CWC27: variants seen among roughly 807,000 people sequenced by gnomAD.
CWC27 encodes spliceosome-associated protein CWC27 homolog.
A neutral mutation model predicts 63.6 loss-of-function variants in CWC27; 47 were observed. The ratio of observed to expected loss-of-function variants is 0.74; its 90% confidence interval spans 0.58 to 0.94. CWC27 has a LOEUF of 0.94. Ranked by LOEUF, CWC27 falls within the 40% of genes least tolerant of loss-of-function variation. CWC27 has a pLI of 0.00. For synonymous variants in CWC27, 175 were observed against 179.8 expected (o/e 0.97, Z 0.22); for missense variants, 495 against 554.3 (o/e 0.89, Z 1.07).
chr5:65,007,776 A>C (rs1749877164), intron 13 of CWC27, among the ~76,000 whole-genome samples: 1 of 151,964 alleles, frequency 6.6e-6, no homozygotes, highest in Non-Finnish European at 1.5e-5. Context: ...TACAGGCGCC[A>C]GCCACCATGC....
At chr5:64,943,970 C>G (rs1218778216) in intron 11 of CWC27, among the ~76,000 whole-genome samples, 1 of 152,096 alleles carries the variant, frequency 6.6e-6, no homozygotes, top group African/African-American at 2.4e-5. Flanking sequence ...GTGCCATGTG[C>G]TTGCCTGCCC....
At chr5:64,948,858 G>A (rs73109507) in intron 11 of CWC27, among the ~76,000 whole-genome samples, 9,839 of 151,948 alleles carry the variant, frequency 0.065, 801 homozygotes, top group African/African-American at 0.19. Context: ...GACTAGAGGG[G>A]AGAGGATAGA....
chr5:64,964,933 T>C (rs1050029734), intron 11 of CWC27, among the ~76,000 whole-genome samples: 1 of 152,160 alleles, frequency 6.6e-6, no homozygotes, highest in African/African-American at 2.4e-5. Flanking sequence ...CACAATCAAA[T>C]TAAAAGCTTC....
intron 11 of CWC27, among the ~76,000 whole-genome samples, chr5:64,911,926 T>TAA (rs1251957634): frequency 0.028 from 4,178 of 151,866 alleles, 126 homozygotes; most frequent in African/African-American, 0.078. Context: ...TACAAAAAAT[T>TAA]AGCCAACCGT....
At chr5:64,776,442 G>A (rs540363574) in intron 2 of CWC27, among the ~76,000 whole-genome samples, 1 of 152,216 alleles carries the variant, frequency 6.6e-6, no homozygotes, top group Admixed American at 6.5e-5. Flanking sequence ...AGGTTCTTAA[G>A]TTGGGTGATG....
At chr5:64,999,788 G>A (rs753945871) in intron 13 of CWC27, among the ~76,000 whole-genome samples, 16 of 152,042 alleles carry the variant, frequency 1.1e-4, no homozygotes, top group African/African-American at 3.6e-4. Flanking sequence ...AAATAGTGCT[G>A]CAATGAACAT....
Position 64,774,726 on chromosome 5 carries a change from A to G in CWC27, c.78A>G (p.Ile26Met). The G allele has an allele frequency of 6.2e-7, 1 of 1,604,284 alleles. No individual in the cohort carries two copies. The highest frequency in any genetic ancestry group is 8.5e-7 in the Non-Finnish European group (1 of 1,175,900). Reference sequence around the variant, plus strand: ...AAACTACAGCTGGAGATATTGACATAGAGTTGTGGTCCAAAGAAGCTCCTA... The same window carrying G: ...AAACTACAGCTGGAGATATTGACATGGAGTTGTGGTCCAAAGAAGCTCCTA... ...LLKTTAGDID[I>M]ELWSKEAPKA... is the part of the protein sequence containing the mutation. The change falls in exon 2 of 14, where the codon ATA becomes ATG. Residue 26 changes from isoleucine (I) to methionine (M), a missense_variant. Physicochemically the swap from Ile to Met is conservative, Grantham distance 10 (BLOSUM62 1). This residue lies in a region of CWC27 where 463 missense variants were observed against 498.1 expected (regional missense o/e 0.93). Transcript: ENST00000381070.
intron 13 of CWC27, among the ~76,000 whole-genome samples, chr5:64,989,291 G>C (rs1269275523): frequency 6.6e-6 from 1 of 152,170 alleles, no homozygotes; most frequent in African/African-American, 2.4e-5. Context: ...TGTATAACTA[G>C]TGAGTTGTCT....
At chr5:64,827,309 T>A (rs1288617212) in intron 10 of CWC27, among the ~76,000 whole-genome samples, 1 of 152,178 alleles carries the variant, frequency 6.6e-6, no homozygotes, top group East Asian at 1.9e-4. Flanking sequence ...GTATCTTACC[T>A]AGCCTCAGAA....
At chr5:64,833,558 G>T (rs916779242) in intron 10 of CWC27, among the ~76,000 whole-genome samples, 4 of 151,748 alleles carry the variant, frequency 2.6e-5, no homozygotes, top group Non-Finnish European at 4.4e-5. Flanking sequence ...GCACAACTTG[G>T]TTAATCTTAG....
chr5:64,899,667 C>T (rs1353430960), intron 11 of CWC27, among the ~76,000 whole-genome samples: 2 of 152,096 alleles, frequency 1.3e-5, no homozygotes, highest in East Asian at 3.8e-4. Flanking sequence ...AACTTTTGAA[C>T]AGAAACGAAA....
chr5:64,901,162 C>T (rs11750187), intron 11 of CWC27, among the ~76,000 whole-genome samples: 57,134 of 151,818 alleles, frequency 0.38, 11,502 homozygotes, highest in East Asian at 0.52. Context: ...CTGTACTGAA[C>T]ATTGCAGGCG....
rs1226524438 is a variant in CWC27, at chr5:64,814,960, C to T, written c.938+10574C>T. 1.3e-5 allele frequency among the ~76,000 whole-genome samples: 2 copies of T among 151,778 alleles called. 1 individual carries two copies. Among genetic ancestry groups the T allele is most frequent in the Admixed American group, 1.3e-4 (2 of 15,214 alleles). Reference sequence around the variant, plus strand: ...ATGGTAACAGATTGGATGTAGGAGACCTGAAGGTATATTTCAAATATACCA... The same window carrying T: ...ATGGTAACAGATTGGATGTAGGAGATCTGAAGGTATATTTCAAATATACCA... On this transcript the variant is annotated intron_variant, in intron 10 of 13. Transcript: ENST00000381070.
At chr5:64,986,083 C>A (rs542479217) in intron 13 of CWC27, among the ~76,000 whole-genome samples, 95 of 152,200 alleles carry the variant, frequency 6.2e-4, no homozygotes, top group African/African-American at 2.1e-3. Flanking sequence ...GCTTGCATTT[C>A]TCTCTCCTGC....
chr5:64,885,158 A>C (rs1258090421), intron 10 of CWC27, among the ~76,000 whole-genome samples: 1 of 152,080 alleles, frequency 6.6e-6, no homozygotes, highest in African/African-American at 2.4e-5. Context: ...TGAAACTAGA[A>C]TGTTAAATTT....
At position 64,782,291 on chromosome 5, in the gene CWC27, T is replaced by A. The variant is rs900429866; in HGVS notation, c.252+258T>A. Among the ~76,000 whole-genome samples, 3 of 151,772 alleles carry A rather than the reference T, an allele frequency of 2.0e-5. No individual in the cohort carries two copies. The East Asian group carries it at 5.8e-4, about 29-fold the overall frequency. ...GGTGAAACCTCATCTCTACTAAAAT[T>A]ACAAAAATTAGCCAGGCATGGTGGC... On this transcript the variant is annotated intron_variant, in intron 3 of 13. Transcript: ENST00000381070.
intron 11 of CWC27, among the ~76,000 whole-genome samples, chr5:64,897,170 G>A (rs2112358836): frequency 6.6e-6 from 1 of 152,188 alleles, no homozygotes; most frequent in African/African-American, 2.4e-5. Flanking sequence ...GATTGCTCCA[G>A]CCTAGGTGAC....
chr5:65,002,049 G>A, intron 13 of CWC27, among the ~76,000 whole-genome samples: 1 of 151,992 alleles, frequency 6.6e-6, no homozygotes, highest in East Asian at 1.9e-4. Context: ...TCCAGAGGTT[G>A]TATGTGTCTA....
chr5:64,933,424 A>C (rs1405776040), intron 11 of CWC27, among the ~76,000 whole-genome samples: 1 of 151,734 alleles, frequency 6.6e-6, no homozygotes, highest in South Asian at 2.1e-4. Flanking sequence ...AGTCATTTAC[A>C]TTTTTTAATA....
Sources: gnomAD v4.1 joint callset for allele counts (sites outside exome capture counted in the v4.1 genomes callset) on GRCh38, gnomAD v4.1.1 for gene constraint, gnomAD v4.1.1 regional missense constraint, MANE v1.5 for transcripts, NCBI Gene and HGNC (gene_info 2026-07-23, HGNC 2026-07-21) for gene names.